The following ALMS1 variants were observed in gnomAD, a reference collection of about 807,000 sequenced individuals.
The protein encoded by ALMS1 is ALMS1 centrosome and basal body associated protein, also known as centrosome-associated protein ALMS1.
ALMS1 carries 271 observed loss-of-function variants against 352.2 expected under a neutral mutation model. The observed-to-expected ratio is 0.77, with a 90% CI of 0.70 to 0.85. The LOEUF (loss-of-function observed/expected upper bound fraction) is 0.85, where lower values mean the gene tolerates loss of function less well. ALMS1 is among the 40% of genes least tolerant of loss of function. The probability of loss-of-function intolerance (pLI) is 0.00; values close to 1 mark genes in which losing one functional copy is unlikely to be tolerated. For synonymous variants in ALMS1, 1,865 were observed against 1,761.2 expected (o/e 1.06, Z -1.48); for missense variants, 5,445 against 4,870.7 (o/e 1.12, Z -3.51).
intron 16 of ALMS1, among the ~76,000 whole-genome samples, chr2:73,581,227 G>C (rs1277294318): frequency 6.6e-6 from 1 of 152,122 alleles, no homozygotes; most frequent in Non-Finnish European, 1.5e-5. Flanking sequence ...GTAGTGCCTT[G>C]TTCATTTGGT....
At chr2:73,477,602 C>G (rs1208120877) in intron 9 of ALMS1, among the ~76,000 whole-genome samples, 1 of 151,838 alleles carries the variant, frequency 6.6e-6, no homozygotes, top group Non-Finnish European at 1.5e-5. Context: ...ATTAATCTTT[C>G]AGTCCATAAA....
intron 12 of ALMS1, among the ~76,000 whole-genome samples, chr2:73,538,252 T>C (rs1012735744): frequency 6.6e-6 from 1 of 152,126 alleles, no homozygotes; most frequent in Non-Finnish European, 1.5e-5. Context: ...CAGAATCTGA[T>C]GGACATTTCT....
intron 7 of ALMS1, among the ~76,000 whole-genome samples, chr2:73,439,281 A>G (rs1183868694): frequency 6.6e-6 from 1 of 151,170 alleles, no homozygotes; most frequent in Non-Finnish European, 1.5e-5. Context: ...ATGCCCAGCT[A>G]ATCTTTTTTT....
chr2:73,466,401 A>G (rs375120316), intron 9 of ALMS1, among the ~76,000 whole-genome samples: 1 of 148,820 alleles, frequency 6.7e-6, no homozygotes, highest in Non-Finnish European at 1.5e-5. Context: ...ACCAAACACC[A>G]CATGTTCTCA....
intron 15 of ALMS1, among the ~76,000 whole-genome samples, chr2:73,559,994 A>T (rs923667733): frequency 6.6e-6 from 1 of 152,194 alleles, no homozygotes; most frequent in Admixed American, 6.5e-5. Flanking sequence ...CAGATGTGAC[A>T]CCAAAAACAC....
chr2:73,570,245 GTGGATATATCATGTATATAGT>G (rs1674896112), intron 15 of ALMS1, among the ~76,000 whole-genome samples: 1 of 152,198 alleles, frequency 6.6e-6, no homozygotes, highest in Admixed American at 6.5e-5. Flanking sequence ...TGACATCCAA[GTGGATATATCATGTATATAGT>G]TGGAACTCAA....
chr2:73,609,544 T>C, intron 22 of ALMS1, 24 bp from the exon 23 acceptor site: 1 of 1,613,814 alleles, frequency 6.2e-7, no homozygotes, highest in African/African-American at 1.3e-5. Flanking sequence ...CTAACTTCTT[T>C]CCTGCCTTTC....
chr2:73,472,304 T>G (rs1234964967), intron 9 of ALMS1, among the ~76,000 whole-genome samples: 1 of 152,100 alleles, frequency 6.6e-6, no homozygotes, highest in Non-Finnish European at 1.5e-5. Context: ...GAGAAATGAT[T>G]ATTTCATTAA....
At chr2:73,393,817 C>CTTT (rs1379885347) in intron 1 of ALMS1, among the ~76,000 whole-genome samples, 2 of 142,366 alleles carry the variant, frequency 1.4e-5, no homozygotes, top group Non-Finnish European at 1.5e-5. Flanking sequence ...CCAGGAAACA[C>CTTT]TTTTTTTTTT....
Position 73,455,235 on chromosome 2 carries a change from GA to G in ALMS1, c.7617del (p.Val2540Ter). The G allele has an allele frequency of 6.2e-7, 1 of 1,614,074 alleles. No individual in the cohort carries two copies. Among genetic ancestry groups the G allele is most frequent in the Non-Finnish European group, 8.5e-7 (1 of 1,179,986 alleles). On this transcript the variant is annotated frameshift_variant, in exon 9 of 23. Transcript: ENST00000613296. LOFTEE classifies it high-confidence loss of function. Reference sequence around the variant, plus strand: ...CAGAATTAAATGAAGATGACAGGAGGAAAGTAGAAGAGATCAAGGCAGAGTT... The same window carrying G: ...CAGAATTAAATGAAGATGACAGGAGGAAGTAGAAGAGATCAAGGCAGAGTT... ...ISELNEDDRR[K>X]VEEIKAELFG...
rs552833421 is a variant in ALMS1, at chr2:73,430,308, C to T, written c.1339-1890C>T. 7.2e-5 allele frequency among the ~76,000 whole-genome samples: 11 copies of T among 152,238 alleles called. No homozygotes were observed. The East Asian group carries it at 1.7e-3, about 24-fold the overall frequency. ...AGCCAGGATGGTCTCGATCTCCTGA[C>T]TTCGTGATCCGCCCGCCTCGGCCTC... On this transcript the variant is annotated intron_variant, in intron 6 of 22. Transcript: ENST00000613296.
At chr2:73,437,590 T>C (rs1484436887) in intron 7 of ALMS1, among the ~76,000 whole-genome samples, 1 of 152,226 alleles carries the variant, frequency 6.6e-6, no homozygotes, top group African/African-American at 2.4e-5. Flanking sequence ...ATGGATCGTA[T>C]CTACTGATGT....
At chr2:73,440,182 C>T (rs1671688264) in intron 7 of ALMS1, among the ~76,000 whole-genome samples, 1 of 151,990 alleles carries the variant, frequency 6.6e-6, no homozygotes, top group Non-Finnish European at 1.5e-5. Flanking sequence ...GGGGTTTCAC[C>T]ATGTTGGCCA....
At chr2:73,394,818 A>G (rs563516781) in intron 1 of ALMS1, among the ~76,000 whole-genome samples, 4 of 152,086 alleles carry the variant, frequency 2.6e-5, no homozygotes, top group East Asian at 1.9e-4. Flanking sequence ...CACCTAGGCT[A>G]TATAGTCTAA....
rs1375442788 is a variant in ALMS1 at position 73,504,955 on chromosome 2, T to C, written c.9539+13457T>C. 4.6e-5 allele frequency among the ~76,000 whole-genome samples: 7 copies of C among 152,154 alleles called. No homozygotes were observed. The South Asian group carries it at 8.3e-4, about 18-fold the overall frequency. ...CCCATATATTCTCAACTCCCACTTA[T>C]GAGTGAGAACATGGAGTGTTTGGTT... On this transcript the variant is annotated intron_variant, in intron 10 of 22. Transcript: ENST00000613296.
At chr2:73,419,373 G>A in intron 3 of ALMS1, 55 bp downstream of exon 3, 1 of 1,542,660 alleles carries the variant, frequency 6.5e-7, no homozygotes, top group Non-Finnish European at 9.0e-7. Flanking sequence ...AAGTTTTGCG[G>A]GGACTGCAAG....
chr2:73,404,861 A>G (rs1007780523), intron 1 of ALMS1, among the ~76,000 whole-genome samples: 1 of 104,078 alleles, frequency 9.6e-6, no homozygotes, highest in African/African-American at 3.8e-5. Flanking sequence ...CTTTAAATGT[A>G]TGGTAGAATT....
chr2:73,456,100 G>A (rs1185334163), intron 9 of ALMS1, among the ~76,000 whole-genome samples: 4 of 152,040 alleles, frequency 2.6e-5, no homozygotes, highest in East Asian at 3.9e-4. Context: ...ATTTACTATC[G>A]AGCTTGAGAA....
At position 73,452,675 on chromosome 2, in the gene ALMS1, C is replaced by G; in HGVS notation, c.6148C>G (p.Gln2050Glu). 6.2e-7 allele frequency: 1 copy of G among 1,613,906 alleles called. No individual in the cohort carries two copies. The highest frequency in any genetic ancestry group is 2.2e-5 in the East Asian group (1 of 44,880). ...GACAGCTTTTCATAGTTCCTATTCT[C>G]AAACAGTAAAGCCCAATATTTTATT... The part of the protein sequence containing the change: ...SQTAFHSSYS[Q>E]TVKPNILFQQ... Residue 2050 changes from glutamine (Q) to glutamate (E), a missense_variant, in exon 8 of 23, where the codon CAA becomes GAA. Coordinates refer to ENST00000613296, the MANE Select transcript of ALMS1 (RefSeq NM_001378454.1).
Sources: gnomAD v4.1 joint callset for allele counts (sites outside exome capture counted in the v4.1 genomes callset) on GRCh38, gnomAD v4.1.1 for gene constraint, MANE v1.5 for transcripts, NCBI Gene and HGNC (gene_info 2026-07-23, HGNC 2026-07-21) for gene names.